Variants in MGAT4C observed in about 807,000 individuals in gnomAD.
MGAT4C encodes alpha-1,3-mannosyl-glycoprotein 4-beta-N-acetylglucosaminyltransferase C.
In MGAT4C, 19 loss-of-function variants were observed where a neutral mutation model predicts 40.1. That is an observed-to-expected ratio of 0.47 (90% CI 0.33 to 0.70). The LOEUF (loss-of-function observed/expected upper bound fraction) is 0.70, where lower values mean the gene tolerates loss of function less well. Among genes scored for constraint, MGAT4C ranks in the 30% least tolerant of loss-of-function variants. The pLI is 0.02. For missense variants in MGAT4C, 491 were observed against 563.2 expected (o/e 0.87, Z 1.30); for synonymous variants, 181 against 187.1 (o/e 0.97, Z 0.27).
chr12:86,138,800 G>T (rs1445448253), intron 1 of MGAT4C, among the ~76,000 whole-genome samples: 2 of 152,006 alleles, frequency 1.3e-5, no homozygotes, highest in East Asian at 3.9e-4. Flanking sequence ...TTCAGACTTG[G>T]AGGAGGAAGG....
At chr12:86,739,318 A>T (rs1951031176) in intron 1 of MGAT4C, among the ~76,000 whole-genome samples, 1 of 150,870 alleles carries the variant, frequency 6.6e-6, no homozygotes, top group African/African-American at 2.4e-5. Flanking sequence ...ATTCATAAAG[A>T]GTAAATTTCC....
At position 85,970,648 on chromosome 12, in the gene MGAT4C, G is replaced by A. The variant is rs1208833420; in HGVS notation, c.*8641C>T. On this transcript the variant is annotated 3_prime_UTR_variant, in exon 5 of 5. Coordinates refer to ENST00000611864, the MANE Select transcript of MGAT4C (RefSeq NM_001351288.2). Reference sequence around the variant, plus strand: ...TTTAGTAAAGTACTAATTGAATTTAGTGATTAGACTGTGATTAGACTATTA... The same window carrying A: ...TTTAGTAAAGTACTAATTGAATTTAATGATTAGACTGTGATTAGACTATTA... 6.8e-6 allele frequency: 1 copy of A among 147,762 alleles called. No individual in the cohort carries two copies. Among genetic ancestry groups the A allele is most frequent in the African/African-American group, 2.4e-5 (1 of 41,128 alleles). The allele number at this position is 147,762 out of a possible 1,614,324, so 9.2% of individuals were successfully genotyped here. A position where few individuals can be genotyped will look rare whatever the true frequency, so the allele number is the denominator to read the frequency against.
intron 2 of MGAT4C, among the ~76,000 whole-genome samples, chr12:86,547,628 G>A (rs959884292): frequency 6.6e-6 from 1 of 151,976 alleles, no homozygotes; most frequent in African/African-American, 2.4e-5. Context: ...TAAATATTTG[G>A]TAAATTTTGT....
At chr12:86,095,393 AT>A (rs1873733558) in intron 1 of MGAT4C, among the ~76,000 whole-genome samples, 1 of 151,922 alleles carries the variant, frequency 6.6e-6, no homozygotes, top group Non-Finnish European at 1.5e-5. Flanking sequence ...TTGTTATCTT[AT>A]TTTTTATTTG....
intron 1 of MGAT4C, among the ~76,000 whole-genome samples, chr12:86,142,237 A>G (rs143771618): frequency 6.6e-6 from 1 of 152,306 alleles, no homozygotes; most frequent in East Asian, 1.9e-4. Context: ...TGTGGATGTG[A>G]AGAGAGAAAG....
rs183434084 is a variant in MGAT4C, at chr12:85,974,216, G to T, written c.*5073C>A. On this transcript the variant is annotated 3_prime_UTR_variant, in exon 5 of 5. Transcript: ENST00000611864. ...TAAAGTATCTAAAAGGATGCACAAA[G>T]ATCTCTAATGTGCTGTGATTTTCAA... The T allele has an allele frequency of 6.6e-6, 1 of 150,922 alleles. No individual in the cohort carries two copies. The highest frequency in any genetic ancestry group is 1.9e-4 in the East Asian group (1 of 5,166). The allele number at this position is 150,922 out of a possible 1,614,324, so 9.3% of individuals were successfully genotyped here.
intron 2 of MGAT4C, among the ~76,000 whole-genome samples, chr12:86,520,408 T>C (rs1388214758): frequency 2.6e-5 from 4 of 152,190 alleles, no homozygotes; most frequent in Non-Finnish European, 4.4e-5. Flanking sequence ...ATCTCATTCT[T>C]TTTTATGGCT....
chr12:86,567,723 C>T (rs1960192829), intron 2 of MGAT4C, among the ~76,000 whole-genome samples: 1 of 152,180 alleles, frequency 6.6e-6, no homozygotes, highest in Non-Finnish European at 1.5e-5. Flanking sequence ...AGGTGGTCAT[C>T]AATACCAGCT....
At chr12:86,626,878 G>T (rs1288550864) in intron 2 of MGAT4C, among the ~76,000 whole-genome samples, 1 of 152,192 alleles carries the variant, frequency 6.6e-6, no homozygotes, top group Non-Finnish European at 1.5e-5. Context: ...TGGACAGTGG[G>T]TGCAACCCAC....
intron 2 of MGAT4C, among the ~76,000 whole-genome samples, chr12:86,651,828 C>A (rs1001001093): frequency 1.3e-5 from 2 of 151,596 alleles, no homozygotes; most frequent in East Asian, 3.9e-4. Context: ...TTAAAACAGG[C>A]TAATAATTTA....
At chr12:86,674,595 G>T (rs1423528990) in intron 2 of MGAT4C, among the ~76,000 whole-genome samples, 1 of 152,088 alleles carries the variant, frequency 6.6e-6, no homozygotes, top group Non-Finnish European at 1.5e-5. Context: ...CACTTGGGAG[G>T]CTGAGGCAGG....
intron 2 of MGAT4C, among the ~76,000 whole-genome samples, chr12:86,560,228 T>C (rs1293576867): frequency 6.6e-6 from 1 of 152,066 alleles, no homozygotes; most frequent in African/African-American, 2.4e-5. Flanking sequence ...ATAACATCAA[T>C]TTTTTTCAGA....
In MGAT4C at chr12:86,271,183, C is replaced by T. The variant is rs796167032; in HGVS notation, c.-57+62882G>A. On this transcript the variant is annotated intron_variant, in intron 4 of 7. Transcript: ENST00000548651. ...ACAAGTGGGGCTATATTAAACTAAACAGCTTCTGCACAGCAGAGGAAACAA... is the reference window on the plus strand; with the variant it reads ...ACAAGTGGGGCTATATTAAACTAAATAGCTTCTGCACAGCAGAGGAAACAA... Among the ~76,000 whole-genome samples, 65 of 152,250 alleles carry T rather than the reference C, an allele frequency of 4.3e-4. 1 individual carries two copies. The highest frequency in any genetic ancestry group is 1.3e-3 in the African/African-American group (55 of 41,546).
intron 1 of MGAT4C, among the ~76,000 whole-genome samples, chr12:86,784,889 G>A (rs1402336888): frequency 6.6e-6 from 1 of 151,964 alleles, no homozygotes; most frequent in African/African-American, 2.4e-5. Flanking sequence ...GCAATACAGA[G>A]AAAGGGAAAT....
At chr12:86,356,715 C>T (rs373056625) in intron 3 of MGAT4C, among the ~76,000 whole-genome samples, 13 of 152,136 alleles carry the variant, frequency 8.5e-5, no homozygotes, top group African/African-American at 2.9e-4. Context: ...CATGGAGACT[C>T]GCTCACTGCT....
chr12:86,749,628 GC>G (rs1414837873), intron 1 of MGAT4C, among the ~76,000 whole-genome samples: 1 of 151,564 alleles, frequency 6.6e-6, no homozygotes. Context: ...GACAAATCTG[GC>G]TTTTATGTTA....
chr12:86,419,321 C>G (rs17289938), intron 3 of MGAT4C, among the ~76,000 whole-genome samples: 14,953 of 151,656 alleles, frequency 0.099, 996 homozygotes, highest in Middle Eastern at 0.26. Flanking sequence ...GGACTTGAAC[C>G]AGTCATATTA....
rs531654652 is a variant in MGAT4C, at chr12:86,388,102, C to T, written c.-120+47055G>A. ...TCAAGCCATCTATCTTAACTGATTC[C>T]TGCAAAGCCATTTTATAAATGCAGT... On this transcript the variant is annotated intron_variant, in intron 3 of 7. Coordinates refer to the MGAT4C transcript ENST00000548651. Among the ~76,000 whole-genome samples, 9 of 152,158 alleles carry T rather than the reference C, an allele frequency of 5.9e-5. No homozygotes were observed. In the South Asian group the frequency reaches 1.9e-3, roughly 32 times the overall value.
At chr12:86,639,090 G>T (rs76572332) in intron 2 of MGAT4C, among the ~76,000 whole-genome samples, 1,567 of 151,760 alleles carry the variant, frequency 0.01, 16 homozygotes, top group East Asian at 0.038. Context: ...TTTATACTCA[G>T]TTTAAATTCC....
Sources: allele counts gnomAD v4.1 joint callset (sites outside exome capture counted in the v4.1 genomes callset), GRCh38; gene constraint gnomAD v4.1.1; transcripts MANE v1.5; gene names NCBI Gene and HGNC (gene_info 2026-07-23, HGNC 2026-07-21).